SBF2: variants seen among roughly 807,000 people sequenced by gnomAD.
SBF2 encodes myotubularin-related protein 13.
A neutral mutation model predicts 225.2 loss-of-function variants in SBF2; 112 were observed. The observed-to-expected ratio is 0.50, with a 90% CI of 0.43 to 0.58. The LOEUF is 0.58. SBF2 is among the 20% of genes least tolerant of loss of function. SBF2 has a pLI of 0.00. For missense variants in SBF2, 1,996 were observed against 2,206.2 expected, an observed-to-expected ratio of 0.90 and a Z score of 1.91; for synonymous variants, 763 against 773.3, an observed-to-expected ratio of 0.99 and a Z score of 0.22.
chr11:9,885,251 CAA>C (rs71453937), intron 17 of SBF2, among the ~76,000 whole-genome samples: 177 of 38,286 alleles, frequency 4.6e-3, no homozygotes, highest in Non-Finnish European at 6.1e-3. Flanking sequence ...ACTTTTCCTC[CAA>C]AAAAAAAAAA....
chr11:10,259,183 T>C (rs1028193955), intron 1 of SBF2, among the ~76,000 whole-genome samples: 1 of 152,220 alleles, frequency 6.6e-6, no homozygotes. Context: ...AATGAAGTAG[T>C]ACAAGTCAGG....
chr11:10,090,764 C>CA (rs201577494), intron 2 of SBF2, among the ~76,000 whole-genome samples: 1,928 of 44,106 alleles, frequency 0.044, 98 homozygotes, highest in Non-Finnish European at 0.05. Context: ...GATTCCATCT[C>CA]AAAAAAAAAA....
chr11:9,943,031 C>T (rs934997404), intron 16 of SBF2, among the ~76,000 whole-genome samples: 1 of 151,920 alleles, frequency 6.6e-6, no homozygotes, highest in Non-Finnish European at 1.5e-5. Flanking sequence ...GATTGTGATG[C>T]TCTTACATAA....
chr11:9,828,663 G>A, intron 28 of SBF2: 1 of 984,476 alleles, frequency 1.0e-6, no homozygotes, highest in Non-Finnish European at 1.2e-6. Context: ...AAGTCTTAAT[G>A]GCTTCATCCA....
At chr11:9,892,850 T>C (rs1029386538) in intron 17 of SBF2, among the ~76,000 whole-genome samples, 85 of 149,800 alleles carry the variant, frequency 5.7e-4, no homozygotes, top group Non-Finnish European at 1.1e-3. Context: ...TGAGCCACCG[T>C]ACCCGGTATA....
chr11:10,071,376 C>G (rs1440985892), intron 2 of SBF2, among the ~76,000 whole-genome samples: 1 of 149,658 alleles, frequency 6.7e-6, no homozygotes, highest in Non-Finnish European at 1.5e-5. Flanking sequence ...ACACCATTCT[C>G]CTGCTTCAGC....
intron 32 of SBF2, 145 bp downstream of exon 32, chr11:9,807,855 C>T (rs1184080150): frequency 3.8e-6 from 3 of 780,574 alleles, no homozygotes; most frequent in Non-Finnish European, 6.5e-6. Context: ...TAGGAGTCTA[C>T]TGCTAAGATT....
intron 16 of SBF2, among the ~76,000 whole-genome samples, chr11:9,939,175 A>G (rs1865094694): frequency 6.6e-6 from 1 of 152,072 alleles, no homozygotes; most frequent in Admixed American, 6.6e-5. Context: ...GGCTCACTGC[A>G]ACCTCTGCCT....
At chr11:10,153,431 C>T (rs372081530) in intron 2 of SBF2, among the ~76,000 whole-genome samples, 17 of 152,052 alleles carry the variant, frequency 1.1e-4, no homozygotes, top group African/African-American at 3.6e-4. Flanking sequence ...AAATAACTCA[C>T]GGGTCAAGAA....
intron 1 of SBF2, among the ~76,000 whole-genome samples, chr11:10,255,633 T>C (rs1052502301): frequency 6.6e-6 from 1 of 152,236 alleles, no homozygotes; most frequent in Non-Finnish European, 1.5e-5. Context: ...TTTACTTAGA[T>C]TGACCATAAT....
intron 27 of SBF2, among the ~76,000 whole-genome samples, chr11:9,830,734 C>T (rs1274494780): frequency 8.0e-6 from 1 of 125,650 alleles, no homozygotes; most frequent in African/African-American, 3.3e-5. Context: ...AGCAAGACTC[C>T]AGCTCAAAAA....
At chr11:9,831,597 T>C (rs1440343892) in intron 27 of SBF2, among the ~76,000 whole-genome samples, 1 of 152,166 alleles carries the variant, frequency 6.6e-6, no homozygotes, top group Non-Finnish European at 1.5e-5. Context: ...TTTGAGCATC[T>C]ATTATGAGGC....
At chr11:9,827,694 G>A (rs530817568) in intron 28 of SBF2, among the ~76,000 whole-genome samples, 1 of 152,112 alleles carries the variant, frequency 6.6e-6, no homozygotes, top group Non-Finnish European at 1.5e-5. Context: ...TGGATATCAT[G>A]ATGTCTTATC....
chr11:10,196,324 A>G (rs1422639763), intron 1 of SBF2, among the ~76,000 whole-genome samples: 7 of 152,128 alleles, frequency 4.6e-5, no homozygotes, highest in African/African-American at 1.4e-4. Context: ...ACATCCCTAC[A>G]TTGTTTTTTC....
Position 9,780,271 on chromosome 11 carries a change from T to C in SBF2, c.*147A>G, listed in dbSNP as rs139791817. The C allele has an allele frequency of 4.7e-4, 339 of 720,462 alleles. No individual in the cohort carries two copies. The African/African-American group carries it at 4.8e-3, about 10-fold the overall frequency. The allele number at this position is 720,462 out of a possible 1,614,324, so 44.6% of individuals were successfully genotyped here. ...AACACCTATTCAGGTTAAGTAGATA[T>C]AGCAACCCCTGCAAGAGGGGACTGG... On this transcript the variant is annotated 3_prime_UTR_variant, in exon 40 of 40. Coordinates refer to ENST00000256190, the MANE Select transcript of SBF2 (RefSeq NM_030962.4).
intron 1 of SBF2, among the ~76,000 whole-genome samples, chr11:10,266,035 T>A (rs890892172): frequency 6.6e-6 from 1 of 152,140 alleles, no homozygotes; most frequent in Non-Finnish European, 1.5e-5. Flanking sequence ...ACCTGCCATT[T>A]TTTTTAGTAC....
chr11:10,137,198 C>G (rs1049139186), intron 2 of SBF2, among the ~76,000 whole-genome samples: 2 of 152,134 alleles, frequency 1.3e-5, no homozygotes, highest in African/African-American at 4.8e-5. Context: ...TTTTCCACAT[C>G]TTCATTGACA....
chr11:10,293,917 T>TCCCCGACGCCTGG (rs1964340399), intron 1 of SBF2, 98 bp downstream of exon 1: 7 of 881,742 alleles, frequency 7.9e-6, no homozygotes, highest in African/African-American at 1.8e-5. Context: ...GGCCTGGCCC[T>TCCCCGACGCCTGG]CCCCGACGCC....
chr11:9,941,260 A>T (rs145920932), intron 16 of SBF2, among the ~76,000 whole-genome samples: 1 of 152,336 alleles, frequency 6.6e-6, no homozygotes, highest in Non-Finnish European at 1.5e-5. Context: ...GGCTGCAGTA[A>T]GCTATGATTC....
Sources: allele counts gnomAD v4.1 joint callset (sites outside exome capture counted in the v4.1 genomes callset), GRCh38; gene constraint gnomAD v4.1.1; transcripts MANE v1.5; gene names NCBI Gene and HGNC (gene_info 2026-07-23, HGNC 2026-07-21).